The following SNTB1 variants were observed in gnomAD, a reference collection of about 807,000 sequenced individuals.
The protein encoded by SNTB1 is beta-1-syntrophin.
Under a neutral mutation model 48.9 loss-of-function variants are expected in SNTB1, and 36 were observed. The ratio of observed to expected loss-of-function variants is 0.74; its 90% CI spans 0.56 to 0.97. The LOEUF is 0.97. Among genes scored for constraint, SNTB1 ranks in the 50% least tolerant of loss-of-function variants. SNTB1 has a pLI of 0.00. For synonymous variants in SNTB1, 299 were observed against 294.6 expected (o/e 1.01, Z -0.15); for missense variants, 786 against 703.4 (o/e 1.12, Z -1.33).
intron 4 of SNTB1, 137 bp downstream of exon 4, chr8:120,574,949 A>G (rs1815927317): frequency 9.9e-7 from 1 of 1,006,504 alleles, no homozygotes; most frequent in African/African-American, 1.6e-5. Flanking sequence ...GTGGCTAAAA[A>G]TGTGTGGCTA....
rs369466740 is a variant in SNTB1, at chr8:120,704,999, G to T, written c.572-11091C>A. The stretch of plus-strand genomic sequence containing the variant: ...TAGGCTCCACTGATAGAAGTATGCC[G>T]TTCAGAAAAGGAGAGAGAAGTCCTT... On this transcript the variant is annotated intron_variant, in intron 1 of 6. Coordinates refer to ENST00000517992, the MANE Select transcript of SNTB1 (RefSeq NM_021021.4). Among the ~76,000 whole-genome samples, 28 of 152,276 alleles carry T rather than the reference G, an allele frequency of 1.8e-4. No individual in the cohort carries two copies. In the South Asian group the frequency reaches 3.3e-3, roughly 18 times the overall value.
chr8:120,752,049 C>T (rs1819226895), intron 1 of SNTB1, among the ~76,000 whole-genome samples: 1 of 152,156 alleles, frequency 6.6e-6, no homozygotes, highest in South Asian at 2.1e-4. Flanking sequence ...CTCTCCCAAA[C>T]ACTGGTTTGT....
intron 3 of SNTB1, among the ~76,000 whole-genome samples, chr8:120,631,618 C>T (rs1311171190): frequency 6.6e-6 from 1 of 152,086 alleles, no homozygotes; most frequent in Non-Finnish European, 1.5e-5. Flanking sequence ...CACTCCAGGT[C>T]AACTTCAAGG....
intron 3 of SNTB1, among the ~76,000 whole-genome samples, chr8:120,608,212 T>C (rs4314683): frequency 0.47 from 71,895 of 151,928 alleles, 19,208 homozygotes; most frequent in Non-Finnish European, 0.63. Context: ...AATTTCAAAT[T>C]GCAAAAGATA....
chr8:120,553,749 A>T (rs1259135248), intron 4 of SNTB1, among the ~76,000 whole-genome samples: 2 of 152,218 alleles, frequency 1.3e-5, no homozygotes, highest in African/African-American at 4.8e-5. Context: ...ATGTAATCTC[A>T]GCACTTTGGG....
At position 120,801,833 on chromosome 8, in the gene SNTB1, A is replaced by T. The variant is rs528551243; in HGVS notation, c.571+9440T>A. 2.1e-4 allele frequency among the ~76,000 whole-genome samples: 32 copies of T among 152,182 alleles called. No homozygotes were observed. In the Middle Eastern group the frequency reaches 0.01, roughly 49 times the overall value. ...TTAAATTATCTATCTAAACTTTTTTAAAAAAATTCACAATGACATTGTAAA... is the reference window on the plus strand; with the variant it reads ...TTAAATTATCTATCTAAACTTTTTTTAAAAAATTCACAATGACATTGTAAA... On this transcript the variant is annotated intron_variant, in intron 1 of 6. Coordinates refer to ENST00000517992, the MANE Select transcript of SNTB1 (RefSeq NM_021021.4).
chr8:120,591,923 G>A lies in SNTB1; in HGVS notation c.997-16698C>T, dbSNP rs138217437. 6.1e-3 allele frequency among the ~76,000 whole-genome samples: 923 copies of A among 152,142 alleles called. 7 individuals are homozygous for A. The highest frequency in any genetic ancestry group is 0.02 in the African/African-American group (843 of 41,486). On this transcript the variant is annotated intron_variant, in intron 3 of 6. Transcript: ENST00000517992. ...CTCAGTTAAAGATGATGATGATGAT[G>A]ATATCACAAATAAAAAATAGACCAC...
chr8:120,668,684 T>G (rs910684616), intron 2 of SNTB1, among the ~76,000 whole-genome samples: 3 of 152,222 alleles, frequency 2.0e-5, no homozygotes, highest in African/African-American at 7.2e-5. Context: ...AGGGTCTGTA[T>G]ATTATCCATG....
At position 120,548,807 on chromosome 8, in the gene SNTB1, G is replaced by A; in HGVS notation, c.1288C>T (p.Gln430Ter). 6.2e-7 allele frequency: 1 copy of A among 1,614,126 alleles called. No homozygotes were observed. Among genetic ancestry groups the A allele is most frequent in the East Asian group, 2.2e-5 (1 of 44,872 alleles). ...AGTTCAGCAGAATTGTGGCAACCCT[G>A]TACTATGCTCCTTGTCCAGTGGGAG... ...DLSHWTRSIVQGCHNSAELIA... is the reference protein window; with the variant it reads ...DLSHWTRSIV Residue 430 changes from glutamine to a stop codon, truncating the protein, a stop_gained, in exon 5 of 7, where the codon CAG becomes TAG. Coordinates refer to ENST00000517992, the MANE Select transcript of SNTB1 (RefSeq NM_021021.4). LOFTEE classifies it high-confidence loss of function.
At chr8:120,737,114 G>C (rs1818959285) in intron 1 of SNTB1, among the ~76,000 whole-genome samples, 1 of 152,146 alleles carries the variant, frequency 6.6e-6, no homozygotes, top group Non-Finnish European at 1.5e-5. Context: ...CACATCCTTT[G>C]AAATTGTTTC....
chr8:120,615,469 G>T (rs7839984), intron 3 of SNTB1, among the ~76,000 whole-genome samples: 3 of 152,084 alleles, frequency 2.0e-5, no homozygotes, highest in African/African-American at 7.3e-5. Context: ...GATGAATATG[G>T]GGCCTCATTA....
At chr8:120,544,366 C>T (rs902205459) in intron 5 of SNTB1, among the ~76,000 whole-genome samples, 1 of 152,100 alleles carries the variant, frequency 6.6e-6, no homozygotes, top group Non-Finnish European at 1.5e-5. Flanking sequence ...ATGTTCTCAA[C>T]CTATACAGAA....
chr8:120,575,807 G>A (rs977403678), intron 3 of SNTB1, among the ~76,000 whole-genome samples: 2 of 152,120 alleles, frequency 1.3e-5, no homozygotes, highest in Non-Finnish European at 2.9e-5. Flanking sequence ...ATTAACTCAA[G>A]GGTTGAGATG....
At chr8:120,557,245 G>A (rs907802389) in intron 4 of SNTB1, among the ~76,000 whole-genome samples, 2 of 152,164 alleles carry the variant, frequency 1.3e-5, no homozygotes, top group Admixed American at 1.3e-4. Flanking sequence ...TCAAGCATGG[G>A]TTAGATATTG....
intron 3 of SNTB1, among the ~76,000 whole-genome samples, chr8:120,580,784 C>CA (rs1252025501): frequency 6.6e-6 from 1 of 152,192 alleles, no homozygotes; most frequent in African/African-American, 2.4e-5. Flanking sequence ...CATCAACTCT[C>CA]AGGGAGGCTG....
At chr8:120,665,941 A>G (rs1422807934) in intron 2 of SNTB1, among the ~76,000 whole-genome samples, 1 of 152,180 alleles carries the variant, frequency 6.6e-6, no homozygotes, top group Non-Finnish European at 1.5e-5. Context: ...TCTTATTGTC[A>G]ATACCCCACT....
chr8:120,645,311 T>G (rs1217347105), intron 2 of SNTB1, among the ~76,000 whole-genome samples: 1 of 150,684 alleles, frequency 6.6e-6, no homozygotes, highest in Admixed American at 6.6e-5. Flanking sequence ...AACGTTTAAG[T>G]CTTTAATCCA....
At chr8:120,703,227 C>T (rs1219063629) in intron 1 of SNTB1, among the ~76,000 whole-genome samples, 14 of 152,172 alleles carry the variant, frequency 9.2e-5, no homozygotes, top group South Asian at 2.1e-4. Context: ...TGGGTTCAAG[C>T]GATTCTCCTG....
chr8:120,576,336 A>C (rs1815950646), intron 3 of SNTB1, among the ~76,000 whole-genome samples: 1 of 152,256 alleles, frequency 6.6e-6, no homozygotes, highest in South Asian at 2.1e-4. Context: ...AGTAAGCTAA[A>C]TAAGTGATAA....
Sources: gnomAD v4.1 joint callset for allele counts (sites outside exome capture counted in the v4.1 genomes callset) on GRCh38, gnomAD v4.1.1 for gene constraint, MANE v1.5 for transcripts, NCBI Gene and HGNC (gene_info 2026-07-23, HGNC 2026-07-21) for gene names.